The following CD8B variants were observed in gnomAD, a reference collection of about 807,000 sequenced individuals.
The protein encoded by CD8B is T-cell surface glycoprotein CD8 beta chain.
Under a neutral mutation model 24.2 loss-of-function variants are expected in CD8B, and 6 were observed. That is an observed-to-expected ratio of 0.25 (90% CI 0.14 to 0.49). CD8B has a LOEUF of 0.49. CD8B is among the 20% of genes least tolerant of loss of function. The pLI is 0.98. For synonymous variants in CD8B, 84 were observed against 108.3 expected, an observed-to-expected ratio of 0.78 and a Z score of 1.39; for missense variants, 196 against 271.3, an observed-to-expected ratio of 0.72 and a Z score of 1.95.
intron 5 of CD8B, among the ~76,000 whole-genome samples, chr2:86,816,655 T>G (rs1216355482): frequency 6.6e-6 from 1 of 152,214 alleles, no homozygotes; most frequent in East Asian, 1.9e-4. Flanking sequence ...GCTGTGACAT[T>G]GGCTTCCCAT....
rs115391455 is a variant in CD8B, at chr2:86,826,575, C to A, written c.621-10857G>T. On this transcript the variant is annotated intron_variant, in intron 5 of 5. Coordinates refer to the CD8B transcript ENST00000331469. Reference sequence around the variant, plus strand: ...CCCTGTCACTTGGAAAGAACCCTAACGACCATCTTAATCCTGCCTGTATAG... The same window carrying A: ...CCCTGTCACTTGGAAAGAACCCTAAAGACCATCTTAATCCTGCCTGTATAG... Among the ~76,000 whole-genome samples, 352 of 152,258 alleles carry A rather than the reference C, an allele frequency of 2.3e-3. 2 individuals are homozygous for A. The highest frequency in any genetic ancestry group is 8.3e-3 in the African/African-American group (343 of 41,542).
chr2:86,835,184 T>C (rs1675128335), downstream of CD8B, among the ~76,000 whole-genome samples: 1 of 152,096 alleles, frequency 6.6e-6, no homozygotes, highest in Admixed American at 6.5e-5. Context: ...GAGCCTTTCT[T>C]CTCTCCTCCT....
intron 5 of CD8B, among the ~76,000 whole-genome samples, chr2:86,825,911 AG>A (rs1422083505): frequency 6.6e-6 from 1 of 151,974 alleles, no homozygotes. Context: ...GAGCACCAGG[AG>A]GAGACAGGGG....
intron 3 of CD8B, among the ~76,000 whole-genome samples, chr2:86,852,421 A>G (rs553637045): frequency 1.3e-5 from 2 of 152,198 alleles, no homozygotes; most frequent in South Asian, 2.1e-4. Flanking sequence ...CCATTATCAT[A>G]ATGTAATTTC....
At chr2:86,829,768 C>G (rs567755184) in intron 5 of CD8B, among the ~76,000 whole-genome samples, 10 of 152,326 alleles carry the variant, frequency 6.6e-5, no homozygotes, top group African/African-American at 2.4e-4. Context: ...AATAAATCTT[C>G]TGCCTTCTTT....
exon 6 of CD8B, chr2:86,815,627 G>T (rs1472011934): frequency 2.5e-6 from 4 of 1,609,898 alleles, no homozygotes; most frequent in Non-Finnish European, 2.6e-6. Context: ...AGGATCCATG[G>T]GTTAAGCAGC....
In CD8B at chr2:86,839,129, A is replaced by G. The variant is rs1352446519; in HGVS notation, c.*3178T>C. The stretch of plus-strand genomic sequence containing the variant: ...TTGTGCTTGAATTTTAACAGTGACT[A>G]CATATTGTGCCATATATTGTATTAA... On this transcript the variant is annotated 3_prime_UTR_variant, in exon 6 of 6. Transcript: ENST00000390655. 1.3e-5 allele frequency among the ~76,000 whole-genome samples: 2 copies of G among 152,234 alleles called. No individual in the cohort carries two copies. Among genetic ancestry groups the G allele is most frequent in the African/African-American group, 2.4e-5 (1 of 41,462 alleles).
In CD8B at chr2:86,858,278, G is replaced by A. The variant is rs140127269; in HGVS notation, c.182C>T (p.Pro61Leu). Residue 61 changes from proline (P) to leucine (L), a missense_variant, in exon 2 of 6, where the codon CCG becomes CTG. Physicochemically the swap from Pro to Leu is moderately conservative, Grantham distance 98. Coordinates refer to ENST00000390655, the MANE Select transcript of CD8B (RefSeq NM_004931.5). ...RIYWLRQRQA[P>L]SSDSHHEFLA... is the part of the protein sequence containing the mutation. ...GAACTCGTGGTGACTGTCACTGCTC[G>A]GTGCCTGGCGCTGTCTCAGCCAGTA... is the stretch of plus-strand genomic sequence containing the variant. The A allele has an allele frequency of 1.0e-3, 1,619 of 1,614,002 alleles. 14 individuals are homozygous for A. In the African/African-American group the frequency reaches 0.017, roughly 17 times the overall value.
chr2:86,832,041 T>A (rs1674922363), intron 5 of CD8B, among the ~76,000 whole-genome samples: 2 of 152,192 alleles, frequency 1.3e-5, no homozygotes, highest in Admixed American at 6.5e-5. Context: ...GGGTCTTAAT[T>A]GTGCTGTCTC....
At position 86,858,119 on chromosome 2, in the gene CD8B, T is replaced by C; in HGVS notation, c.341A>G (p.Tyr114Cys). ...GGGGCTCCCGACGATCATGCAGAAG[T>C]AGATGCCACTGTCTTCCGGCTTCAC... ...TSVKPEDSGI[Y>C]FCMIVGSPEL... The change falls in exon 2 of 6, where the codon TAC (tyrosine) becomes TGC (cysteine). Residue 114 changes from tyrosine to cysteine, a missense_variant. Tyr to Cys is a radical substitution (Grantham distance 194, BLOSUM62 -2). Coordinates refer to ENST00000390655, the MANE Select transcript of CD8B (RefSeq NM_004931.5). The C allele has an allele frequency of 6.2e-7, 1 of 1,613,998 alleles. No individual in the cohort carries two copies. The highest frequency in any genetic ancestry group is 8.5e-7 in the Non-Finnish European group (1 of 1,179,870).
At position 86,838,483 on chromosome 2, in the gene CD8B, AAAAC is replaced by A. The variant is rs1379588121; in HGVS notation, c.*3820_*3823del. Among the ~76,000 whole-genome samples, 1 of 145,848 alleles carries A rather than the reference AAAAC, an allele frequency of 6.9e-6. No homozygotes were observed. Among genetic ancestry groups the A allele is most frequent in the Non-Finnish European group, 1.5e-5 (1 of 65,032 alleles). On this transcript the variant is annotated 3_prime_UTR_variant, in exon 6 of 6. Transcript: ENST00000390655. The stretch of plus-strand genomic sequence containing the variant: ...GTTTTAAAAAATATGGGAAGAAAAA[AAAAC>A]AAGAAACTTTTTAGAAAAAATTTAT...
chr2:86,819,565 A>G (rs1308513077), intron 5 of CD8B, among the ~76,000 whole-genome samples: 1 of 152,250 alleles, frequency 6.6e-6, no homozygotes, highest in Non-Finnish European at 1.5e-5. Flanking sequence ...AGCATGGTTT[A>G]CTGAATATTT....
At chr2:86,836,723 G>C (rs1231494936), downstream of CD8B, among the ~76,000 whole-genome samples, 2 of 152,118 alleles carry the variant, frequency 1.3e-5, no homozygotes, top group Admixed American at 6.5e-5. Context: ...CCATGATGGC[G>C]CCACTGCACA....
chr2:86,859,003 T>G (rs184510974), intron 1 of CD8B, among the ~76,000 whole-genome samples: 1,625 of 152,212 alleles, frequency 0.011, 36 homozygotes, highest in African/African-American at 0.038. Flanking sequence ...GTAAGTGGCC[T>G]AGGAGTCAAA....
chr2:86,818,196 G>A (rs1002858264), intron 5 of CD8B, among the ~76,000 whole-genome samples: 13 of 151,948 alleles, frequency 8.6e-5, no homozygotes, highest in African/African-American at 2.2e-4. Context: ...GTGACAGAGC[G>A]AGACTCCATC....
chr2:86,852,374 A>G (rs1461973003), intron 3 of CD8B, among the ~76,000 whole-genome samples: 3 of 152,158 alleles, frequency 2.0e-5, no homozygotes, highest in Admixed American at 6.5e-5. Context: ...AAAGTGTACA[A>G]TGTCATGGTT....
intron 5 of CD8B, among the ~76,000 whole-genome samples, chr2:86,830,777 T>C (rs1342467962): frequency 6.6e-6 from 1 of 152,180 alleles, no homozygotes; most frequent in Non-Finnish European, 1.5e-5. Context: ...TCAGCACTCT[T>C]ATCTATCTGA....
chr2:86,835,818 T>C (rs71411870), downstream of CD8B, among the ~76,000 whole-genome samples: 66,138 of 139,252 alleles, frequency 0.47, 16,250 homozygotes, highest in East Asian at 0.74. Flanking sequence ...CTTGTGTTGG[T>C]ATCACCCGGG....
chr2:86,824,607 A>G (rs1410407782), intron 5 of CD8B, among the ~76,000 whole-genome samples: 1 of 152,136 alleles, frequency 6.6e-6, no homozygotes, highest in Non-Finnish European at 1.5e-5. Flanking sequence ...GGGGCTTTTC[A>G]TCAGTGCCCT....
Sources: allele counts gnomAD v4.1 joint callset (sites outside exome capture counted in the v4.1 genomes callset), GRCh38; gene constraint gnomAD v4.1.1; transcripts MANE v1.5; gene names NCBI Gene and HGNC (gene_info 2026-07-23, HGNC 2026-07-21).